WIPF1: variants seen among roughly 807,000 people sequenced by gnomAD.
WIPF1 encodes the protein WAS/WASL-interacting protein family member 1.
In WIPF1, 13 loss-of-function variants were observed where a neutral mutation model predicts 35.4. That is an observed-to-expected ratio of 0.37 (90% confidence interval 0.24 to 0.58). The LOEUF (loss-of-function observed/expected upper bound fraction) is 0.58, where lower values mean the gene tolerates loss of function less well. Ranked by LOEUF, WIPF1 falls within the 20% of genes least tolerant of loss-of-function variation. The probability of loss-of-function intolerance (pLI) is 0.74; values close to 1 mark genes in which losing one functional copy is unlikely to be tolerated. For missense variants in WIPF1, 591 were observed against 667.0 expected (o/e 0.89, Z 1.25); for synonymous variants, 267 against 266.3 (o/e 1.00, Z -0.02).
chr2:174,569,492 G>T (rs1684765367), intron 5 of WIPF1, among the ~76,000 whole-genome samples: 1 of 152,138 alleles, frequency 6.6e-6, no homozygotes, highest in Non-Finnish European at 1.5e-5. Flanking sequence ...ATATTATGGG[G>T]CCCTGTACTA....
At chr2:174,619,629 T>G (rs1284496225) in intron 1 of WIPF1, among the ~76,000 whole-genome samples, 1 of 152,204 alleles carries the variant, frequency 6.6e-6, no homozygotes, top group Non-Finnish European at 1.5e-5. Flanking sequence ...GGGGAAGGCC[T>G]AGACCCCCTT....
At chr2:174,568,846 A>G (rs1346811744) in intron 5 of WIPF1, 1 of 152,218 alleles carries the variant, frequency 6.6e-6, no homozygotes, top group Non-Finnish European at 1.5e-5. Flanking sequence ...CAAATAAAAA[A>G]TACTATGTAA....
intron 1 of WIPF1, among the ~76,000 whole-genome samples, chr2:174,672,678 G>A (rs149435994): frequency 1.3e-4 from 20 of 152,268 alleles, no homozygotes; most frequent in Admixed American, 2.0e-4. Context: ...TGGACCTTAC[G>A]TGGAGATGTT....
chr2:174,627,282 T>G (rs1330094550), intron 1 of WIPF1, among the ~76,000 whole-genome samples: 1 of 152,016 alleles, frequency 6.6e-6, no homozygotes, highest in Non-Finnish European at 1.5e-5. Flanking sequence ...GAATATAAGA[T>G]CCACATGGAA....
At chr2:174,682,225 G>C (rs541079346) in intron 1 of WIPF1, among the ~76,000 whole-genome samples, 1 of 152,218 alleles carries the variant, frequency 6.6e-6, no homozygotes, top group Non-Finnish European at 1.5e-5. Flanking sequence ...ACGCCGACCT[G>C]GGGCGAGCGG....
Position 174,567,975 on chromosome 2 carries a change from G to A in WIPF1, c.1228C>T (p.Pro410Ser). 6.2e-7 allele frequency: 1 copy of A among 1,614,122 alleles called. No individual in the cohort carries two copies. Among genetic ancestry groups the A allele is most frequent in the Non-Finnish European group, 8.5e-7 (1 of 1,180,030 alleles). The stretch of plus-strand genomic sequence containing the variant: ...AGGGGAGGCCTGGGTCCACTCCTGG[G>A]ACTGTCTACTCCACTCCTGGATGGC... ...QLPSRSGVDSPRSGPRPPLPP... is the reference protein window; with the variant it reads ...QLPSRSGVDSSRSGPRPPLPP... The change falls in exon 6 of 8, where the codon CCC (proline) becomes TCC (serine). Residue 410 changes from proline (P) to serine (S), a missense_variant. This residue lies in a region of WIPF1 where 117 missense variants were observed against 149.6 expected (regional missense o/e 0.78). Transcript: ENST00000679041.
chr2:174,593,501 C>T (rs766475885), intron 1 of WIPF1, among the ~76,000 whole-genome samples: 26 of 152,146 alleles, frequency 1.7e-4, no homozygotes, highest in Non-Finnish European at 3.4e-4. Context: ...AAAAGCATGT[C>T]GTTTTGGGAT....
At chr2:174,646,222 A>G (rs1687407018) in intron 1 of WIPF1, among the ~76,000 whole-genome samples, 1 of 152,204 alleles carries the variant, frequency 6.6e-6, no homozygotes, top group Non-Finnish European at 1.5e-5. Context: ...GGACCAAGAG[A>G]ACACCTAATT....
intron 1 of WIPF1, among the ~76,000 whole-genome samples, chr2:174,628,492 C>T (rs1291928546): frequency 5.3e-5 from 8 of 152,248 alleles, no homozygotes; most frequent in Non-Finnish European, 1.5e-5. Context: ...CACAACCTTT[C>T]TCCAGGTAGG....
At chr2:174,626,463 C>T (rs1029440329) in intron 1 of WIPF1, among the ~76,000 whole-genome samples, 16 of 152,184 alleles carry the variant, frequency 1.1e-4, no homozygotes, top group Admixed American at 7.2e-4. Flanking sequence ...TTCAGACACA[C>T]ATATCCAACT....
chr2:174,626,549 G>C (rs1181654731), intron 1 of WIPF1, among the ~76,000 whole-genome samples: 19 of 152,116 alleles, frequency 1.2e-4, no homozygotes, highest in Admixed American at 1.2e-3. Context: ...AAAAGTCTTA[G>C]TATCTCCCCT....
At chr2:174,578,585 A>G (rs1685138267) in intron 3 of WIPF1, among the ~76,000 whole-genome samples, 1 of 152,174 alleles carries the variant, frequency 6.6e-6, no homozygotes, top group Admixed American at 6.5e-5. Context: ...TTATTACACT[A>G]CTTTAATTTT....
intron 1 of WIPF1, among the ~76,000 whole-genome samples, chr2:174,645,991 C>G (rs1251191202): frequency 6.6e-6 from 1 of 152,220 alleles, no homozygotes; most frequent in Admixed American, 6.5e-5. Context: ...TACAGAACAA[C>G]AGACGTAGCA....
chr2:174,594,105 C>T (rs1235752222), intron 1 of WIPF1, among the ~76,000 whole-genome samples: 1 of 152,236 alleles, frequency 6.6e-6, no homozygotes, highest in Admixed American at 6.5e-5. Flanking sequence ...GCTCTTTTCT[C>T]AGTCAATCAT....
chr2:174,634,130 C>G (rs1289988063), intron 1 of WIPF1, among the ~76,000 whole-genome samples: 1 of 152,186 alleles, frequency 6.6e-6, no homozygotes, highest in African/African-American at 2.4e-5. Flanking sequence ...TCTGTATTTT[C>G]TAACACCCTT....
At chr2:174,653,166 A>T (rs891013854) in intron 1 of WIPF1, among the ~76,000 whole-genome samples, 1 of 152,198 alleles carries the variant, frequency 6.6e-6, no homozygotes, top group African/African-American at 2.4e-5. Flanking sequence ...TAAAGCTAGT[A>T]AGTGGCAGAG....
At chr2:174,641,640 C>T (rs1262906845) in intron 1 of WIPF1, among the ~76,000 whole-genome samples, 1 of 152,172 alleles carries the variant, frequency 6.6e-6, no homozygotes, top group Non-Finnish European at 1.5e-5. Flanking sequence ...TCCAGGTAGG[C>T]AGAACTTGGC....
chr2:174,576,230 C>CAAAAAAAAAAAAAAAA (rs66562213), intron 3 of WIPF1, among the ~76,000 whole-genome samples: 28 of 98,924 alleles, frequency 2.8e-4, no homozygotes, highest in African/African-American at 1.2e-3. Context: ...TGCACTCCAG[C>CAAAAAAAAAAAAAAAA]AAAAAAAAAA....
chr2:174,677,137 G>A (rs935512437), intron 1 of WIPF1: 2 of 147,944 alleles, frequency 1.4e-5, no homozygotes, highest in African/African-American at 2.5e-5. Flanking sequence ...AGGTGACAGA[G>A]TGAGAAACTG....
Sources: allele counts gnomAD v4.1 joint callset (sites outside exome capture counted in the v4.1 genomes callset), GRCh38; gene constraint gnomAD v4.1.1; regional missense constraint gnomAD v4.1.1; transcripts MANE v1.5; gene names NCBI Gene and HGNC (gene_info 2026-07-23, HGNC 2026-07-21).